Variants in KCTD5 observed in about 807,000 individuals in gnomAD.
KCTD5 encodes the protein potassium channel tetramerization domain containing 5, also known as BTB/POZ domain-containing protein KCTD5.
A neutral mutation model predicts 27.9 loss-of-function variants in KCTD5; 12 were observed. That is an observed-to-expected ratio of 0.43 (90% confidence interval 0.28 to 0.70). The LOEUF is 0.70. KCTD5 is among the 30% of genes least tolerant of loss of function. KCTD5 has a pLI of 0.19. For missense variants in KCTD5, 226 were observed against 274.8 expected (o/e 0.82, Z 1.26); for synonymous variants, 147 against 121.4 (o/e 1.21, Z -1.39).
chr16:2,701,618 G>A (rs781159218), intron 4 of KCTD5, among the ~76,000 whole-genome samples: 35 of 152,036 alleles, frequency 2.3e-4, no homozygotes, highest in Non-Finnish European at 4.3e-4. Flanking sequence ...CTGCTCTCCC[G>A]GCCGTTGGTC....
Position 2,702,346 on chromosome 16 carries a change from C to T in KCTD5, c.550-7C>T. On this transcript the variant is annotated splice_polypyrimidine_tract_variant and splice_region_variant and intron_variant, in intron 4 of 5. Transcript: ENST00000301738. ...TGGGCTGCGTCTCAGGCTATGTCTC[C>T]TTGCAGTTGGTCAGCATCGGCTCCT... 1.2e-6 allele frequency: 2 copies of T among 1,613,464 alleles called. No individual in the cohort carries two copies. Among genetic ancestry groups the T allele is most frequent in the Non-Finnish European group, 1.7e-6 (2 of 1,179,916 alleles).
chr16:2,702,288 C>A, intron 4 of KCTD5, 65 bp from the exon 5 acceptor site: 2 of 1,600,416 alleles, frequency 1.2e-6, no homozygotes, highest in South Asian at 2.2e-5. Flanking sequence ...TGAGGCTGGT[C>A]ATGTCAGCCT....
intron 1 of KCTD5, chr16:2,684,531 C>T (rs12448477): frequency 0.22 from 32,760 of 151,678 alleles, 4,417 homozygotes; most frequent in Admixed American, 0.36. Context: ...TTTGGGAGGC[C>T]GAGGCAGGCG....
intron 1 of KCTD5, among the ~76,000 whole-genome samples, chr16:2,690,263 C>T (rs1490628362): frequency 6.6e-6 from 1 of 152,242 alleles, no homozygotes; most frequent in Non-Finnish European, 1.5e-5. Flanking sequence ...CTGTGTGTGC[C>T]CTGGCTCGGC....
chr16:2,700,206 T>C (rs1226330509), intron 4 of KCTD5, among the ~76,000 whole-genome samples: 1 of 152,174 alleles, frequency 6.6e-6, no homozygotes, highest in Non-Finnish European at 1.5e-5. Context: ...CACCTCTGTG[T>C]GAGGGAGGGG....
rs1416918131 is a variant in KCTD5, at chr16:2,699,817, G to T, written c.454-4G>T. The T allele has an allele frequency of 6.8e-6, 11 of 1,613,010 alleles. No homozygotes were observed. Among genetic ancestry groups the T allele is most frequent in the Non-Finnish European group, 9.3e-6 (11 of 1,179,614 alleles). ...GCCCTTACCTGTGCCCATTGTCCTT[G>T]CAGGTGCCTGTGAAGCATGTGTACC... is the stretch of plus-strand genomic sequence containing the variant. On this transcript the variant is annotated splice_region_variant and splice_polypyrimidine_tract_variant and intron_variant, in intron 3 of 5. Coordinates refer to ENST00000301738, the MANE Select transcript of KCTD5 (RefSeq NM_018992.4).
chr16:2,688,281 TG>T (rs1390462645), intron 1 of KCTD5, among the ~76,000 whole-genome samples: 1 of 150,116 alleles, frequency 6.7e-6, no homozygotes, highest in Non-Finnish European at 1.5e-5. Flanking sequence ...GACGGAGTCT[TG>T]CTCTGTCCCC....
chr16:2,705,137 T>C (rs1290941195), intron 5 of KCTD5, among the ~76,000 whole-genome samples: 1 of 152,072 alleles, frequency 6.6e-6, no homozygotes, highest in Admixed American at 6.5e-5. Context: ...GCCGCCAGAG[T>C]GACGACGAGG....
chr16:2,700,579 C>A (rs1251153997), intron 4 of KCTD5, among the ~76,000 whole-genome samples: 1 of 152,204 alleles, frequency 6.6e-6, no homozygotes, highest in South Asian at 2.1e-4. Flanking sequence ...TGCCACTGTT[C>A]CTGGTGCTAG....
intron 5 of KCTD5, among the ~76,000 whole-genome samples, chr16:2,704,726 C>G (rs1027827349): frequency 6.6e-6 from 1 of 152,200 alleles, no homozygotes; most frequent in Non-Finnish European, 1.5e-5. Flanking sequence ...CGCCTGCCCC[C>G]GTGGCTGATC....
chr16:2,705,876 G>C (rs1198104035), intron 5 of KCTD5, among the ~76,000 whole-genome samples: 1 of 152,212 alleles, frequency 6.6e-6, no homozygotes, highest in African/African-American at 2.4e-5. Context: ...CAGGTCTCCA[G>C]GGTGTCTCCT....
At chr16:2,684,941 CA>C (rs1160784592) in intron 1 of KCTD5, among the ~76,000 whole-genome samples, 2 of 151,840 alleles carry the variant, frequency 1.3e-5, no homozygotes, top group Non-Finnish European at 2.9e-5. Context: ...CTGTCTCAAA[CA>C]AACAAAAAAA....
chr16:2,704,750 A>T (rs1200535885), intron 5 of KCTD5, among the ~76,000 whole-genome samples: 1 of 152,130 alleles, frequency 6.6e-6, no homozygotes, highest in Non-Finnish European at 1.5e-5. Flanking sequence ...CCTGTGACCC[A>T]GGGCCCCACC....
chr16:2,682,701 C>A lies in KCTD5; in HGVS notation c.153C>A (p.Gly51=), dbSNP rs777941994. The change falls in exon 1 of 6, where the codon GGC becomes GGA. Residue 51 remains glycine (G), a synonymous_variant. Coordinates refer to ENST00000301738, the MANE Select transcript of KCTD5 (RefSeq NM_018992.4). The part of the protein sequence containing the change: ...SVSKWVRLNV[G]GTYFLTTRQT... ...CCAAGTGGGTCCGACTCAACGTCGG[C>A]GGCACCTACTTCCTCACCACTCGGC... 6.2e-7 allele frequency: 1 copy of A among 1,609,986 alleles called. No homozygotes were observed. The highest frequency in any genetic ancestry group is 1.7e-5 in the Admixed American group (1 of 59,778).
intron 1 of KCTD5, among the ~76,000 whole-genome samples, chr16:2,693,019 A>G (rs1411272659): frequency 6.6e-6 from 1 of 152,222 alleles, no homozygotes; most frequent in Non-Finnish European, 1.5e-5. Context: ...CCAGGGCTGC[A>G]GCCCCAGGCA....
intron 5 of KCTD5, among the ~76,000 whole-genome samples, chr16:2,706,348 G>A (rs2067635767): frequency 6.6e-6 from 1 of 152,212 alleles, no homozygotes; most frequent in Admixed American, 6.5e-5. Flanking sequence ...TGCCCGGCGA[G>A]GGCGTGGGCG....
chr16:2,682,841 C>T, intron 1 of KCTD5, 41 bp downstream of exon 1: 1 of 1,536,872 alleles, frequency 6.5e-7, no homozygotes, highest in Non-Finnish European at 8.7e-7. Flanking sequence ...CCTGGCCTTC[C>T]CGGCCTGCGG....
intron 5 of KCTD5, among the ~76,000 whole-genome samples, chr16:2,706,624 G>A (rs1031360107): frequency 6.6e-6 from 1 of 152,236 alleles, no homozygotes; most frequent in Admixed American, 6.5e-5. Context: ...TGAGGGAAGT[G>A]GGGAGGGTAC....
At chr16:2,702,305 G>T in intron 4 of KCTD5, 48 bp from the exon 5 acceptor site, 1 of 1,609,626 alleles carries the variant, frequency 6.2e-7, no homozygotes, top group Non-Finnish European at 8.5e-7. Context: ...GCCTGGCTGG[G>T]TCTCTCAGGC....
Sources: gnomAD v4.1 joint callset for allele counts (sites outside exome capture counted in the v4.1 genomes callset) on GRCh38, gnomAD v4.1.1 for gene constraint, MANE v1.5 for transcripts, NCBI Gene and HGNC (gene_info 2026-07-23, HGNC 2026-07-21) for gene names.